Variants in ROS1 observed in about 807,000 individuals in gnomAD.
The protein encoded by ROS1 is proto-oncogene tyrosine-protein kinase ROS.
A neutral mutation model predicts 273.5 loss-of-function variants in ROS1; 263 were observed. That is an observed-to-expected ratio of 0.96 (90% CI 0.87 to 1.06). The LOEUF (loss-of-function observed/expected upper bound fraction) is 1.06, where lower values mean the gene tolerates loss of function less well. Ranked by LOEUF, ROS1 falls within the 50% of genes least tolerant of loss-of-function variation. The pLI is 0.00. For missense variants in ROS1, 2,833 were observed against 2,751.1 expected, an observed-to-expected ratio of 1.03 and a Z score of -0.67; for synonymous variants, 1,008 against 954.1, an observed-to-expected ratio of 1.06 and a Z score of -1.04.
chr6:117,347,696 TA>T (rs57829558), intron 27 of ROS1, among the ~76,000 whole-genome samples: 2,199 of 152,214 alleles, frequency 0.014, 47 homozygotes, highest in African/African-American at 0.05. Flanking sequence ...GTAATGATGT[TA>T]ACAACAAGTT....
chr6:117,413,525 C>T (rs1307703503), intron 4 of ROS1, among the ~76,000 whole-genome samples: 1 of 152,128 alleles, frequency 6.6e-6, no homozygotes, highest in Non-Finnish European at 1.5e-5. Context: ...AACATCAAAA[C>T]GTCAAGGTCT....
At position 117,385,754 on chromosome 6, in the gene ROS1, T is replaced by G. The variant is rs749919362; in HGVS notation, c.2218A>C (p.Ile740Leu). 1.9e-6 allele frequency: 3 copies of G among 1,614,196 alleles called. No individual in the cohort carries two copies. The highest frequency in any genetic ancestry group is 3.3e-5 in the Admixed American group (2 of 60,016). Residue 740 changes from isoleucine (I) to leucine (L), a missense_variant, in exon 16 of 44, where the codon ATT becomes CTT. Ile to Leu is a conservative substitution (Grantham distance 5, BLOSUM62 2). Transcript: ENST00000368507. ...AAAGCTAAAGCCCCTGCTCCTGCAA[T>G]GCTGGGTAGGTGATAATTCTCTGAG... ...DISENYHLPS[I>L]AGAGALAFEW...
Position 117,301,116 on chromosome 6 carries a change from G to GCA in ROS1, c.6571_6572dup (p.Trp2192AlafsTer27). Reference sequence around the variant, plus strand: ...GTCTTTGGTCGGGTTCTTGAGCCCAGCACTGGGTCATTAAATTCCACCTAA... The same window carrying GCA: ...GTCTTTGGTCGGGTTCTTGAGCCCAGCACACTGGGTCATTAAATTCCACCTAA... On this transcript the variant is annotated frameshift_variant, in exon 43 of 44. Coordinates refer to ENST00000368507, the MANE Select transcript of ROS1 (RefSeq NM_001378902.1). LOFTEE classifies it high-confidence loss of function. The GCA allele has an allele frequency of 6.3e-7, 1 of 1,588,534 alleles. No homozygotes were observed. The highest frequency in any genetic ancestry group is 8.5e-7 in the Non-Finnish European group (1 of 1,171,496).
chr6:117,372,409 C>T (rs544403604), intron 18 of ROS1, among the ~76,000 whole-genome samples: 22 of 152,326 alleles, frequency 1.4e-4, no homozygotes, highest in Non-Finnish European at 2.6e-4. Context: ...TTTCAGAATA[C>T]AAAATTAATG....
At chr6:117,316,027 AAAT>A (rs1775893867) in intron 39 of ROS1, among the ~76,000 whole-genome samples, 1 of 152,162 alleles carries the variant, frequency 6.6e-6, no homozygotes, top group Non-Finnish European at 1.5e-5. Context: ...TCAGCTCTAA[AAAT>A]AATAATAATA....
chr6:117,321,283 A>G lies in ROS1; in HGVS notation c.5735T>C (p.Leu1912Pro), dbSNP rs1438069741. The G allele has an allele frequency of 3.7e-6, 6 of 1,613,724 alleles. No individual in the cohort carries two copies. Among genetic ancestry groups the G allele is most frequent in the Non-Finnish European group, 5.1e-6 (6 of 1,179,872 alleles). Residue 1912 changes from leucine to proline, a missense_variant, in exon 36 of 44, where the codon CTG (leucine) becomes CCG (proline). Transcript: ENST00000368507. ...ELRGLAAGVG[L>P]ANACYAIHTL... ...CTGTATTGCATAGCAGGCATTAGCCAGGCCTACTCCGGCTGCCAGACCTCG... is the reference window on the plus strand; with the variant it reads ...CTGTATTGCATAGCAGGCATTAGCCGGGCCTACTCCGGCTGCCAGACCTCG...
rs1777597880 is a variant in ROS1 at position 117,337,954 on chromosome 6, AGCT to A, written c.5062-617_5062-615del. 2.6e-5 allele frequency among the ~76,000 whole-genome samples: 4 copies of A among 152,246 alleles called. No homozygotes were observed. The South Asian group carries it at 8.3e-4, about 32-fold the overall frequency. On this transcript the variant is annotated intron_variant, in intron 31 of 43. Coordinates refer to ENST00000368507, the MANE Select transcript of ROS1 (RefSeq NM_001378902.1). The stretch of plus-strand genomic sequence containing the variant: ...GAAGCTACTAAGTAGCAAGGCTAGA[AGCT>A]AAATACAGAAAATCTTGTTTTCATT...
chr6:117,406,735 G>A (rs1227641028), intron 5 of ROS1, among the ~76,000 whole-genome samples: 1 of 152,118 alleles, frequency 6.6e-6, no homozygotes, highest in African/African-American at 2.4e-5. Context: ...ATAAGTATGT[G>A]TTAATAGTCA....
At chr6:117,386,732 C>G (rs1772610087) in intron 15 of ROS1, among the ~76,000 whole-genome samples, 157 bp downstream of exon 15, 1 of 152,200 alleles carries the variant, frequency 6.6e-6, no homozygotes, top group African/African-American at 2.4e-5. Context: ...CTGACATTTT[C>G]TTAACAGAAT....
chr6:117,343,511 T>G (rs1185850436), intron 28 of ROS1, among the ~76,000 whole-genome samples: 1 of 151,978 alleles, frequency 6.6e-6, no homozygotes, highest in Non-Finnish European at 1.5e-5. Flanking sequence ...CAAGAAATAG[T>G]TAGTGAATGC....
At chr6:117,390,709 A>C (rs1772997741) in intron 12 of ROS1, among the ~76,000 whole-genome samples, 1 of 152,192 alleles carries the variant, frequency 6.6e-6, no homozygotes, top group South Asian at 2.1e-4. Context: ...CAATAGAGCT[A>C]CCATTTTATA....
In ROS1 at chr6:117,404,399, C is replaced by T. The variant is rs752731431; in HGVS notation, c.346G>A (p.Ala116Thr). The T allele has an allele frequency of 6.2e-7, 1 of 1,613,802 alleles. No homozygotes were observed. The highest frequency in any genetic ancestry group is 8.5e-7 in the Non-Finnish European group (1 of 1,179,908). The change falls in exon 6 of 44, where the codon GCT becomes ACT. Residue 116 changes from alanine to threonine, a missense_variant. Physicochemically the swap from Ala to Thr is moderately conservative, Grantham distance 58. Transcript: ENST00000368507. ...ATATTGTGGCTTCCAATGGAAGAAGCAAAGGGAGCAGTTGGTAGGTCTGCA... is the reference window on the plus strand; with the variant it reads ...ATATTGTGGCTTCCAATGGAAGAAGTAAAGGGAGCAGTTGGTAGGTCTGCA... ...ENADLPTAPF[A>T]SSIGSHNMTL...
chr6:117,319,747 T>G (rs1776154659), intron 37 of ROS1, 121 bp downstream of exon 37: 1 of 823,416 alleles, frequency 1.2e-6, no homozygotes, highest in East Asian at 2.5e-5. Flanking sequence ...TGGATAGGCT[T>G]CGACATTCAA....
intron 32 of ROS1, among the ~76,000 whole-genome samples, chr6:117,330,933 TCTC>T (rs1280782448): frequency 1.3e-5 from 2 of 152,128 alleles, no homozygotes; most frequent in African/African-American, 4.8e-5. Flanking sequence ...GAGTGCCTCT[TCTC>T]CTCTAAATGA....
chr6:117,396,611 T>G (rs1275163584), intron 8 of ROS1, among the ~76,000 whole-genome samples: 1 of 152,224 alleles, frequency 6.6e-6, no homozygotes, highest in African/African-American at 2.4e-5. Context: ...CTCTACCTCC[T>G]TACTTTTTTC....
Position 117,359,823 on chromosome 6 carries a change from G to A in ROS1, c.3619C>T (p.Arg1207Cys), listed in dbSNP as rs780046038. 8.1e-6 allele frequency: 13 copies of A among 1,613,232 alleles called. No homozygotes were observed. Among genetic ancestry groups the A allele is most frequent in the African/African-American group, 5.3e-5 (4 of 74,868 alleles). The change falls in exon 24 of 44, where the codon CGC becomes TGC. Residue 1207 changes from arginine (R) to cysteine (C), a missense_variant. Arg to Cys is a radical substitution (Grantham distance 180, BLOSUM62 -3). Coordinates refer to ENST00000368507, the MANE Select transcript of ROS1 (RefSeq NM_001378902.1). ...DSLFLLHLHN[R>C]SSSELFQDSL... is the part of the protein sequence containing the mutation. ...TAGTGAAATACCTCAGAGCTAGAGC[G>A]ATTGTGCAAGTGCAGAAGAAAGAGT...
chr6:117,355,271 G>A (rs747678846), intron 26 of ROS1, among the ~76,000 whole-genome samples: 7 of 152,084 alleles, frequency 4.6e-5, no homozygotes, highest in Non-Finnish European at 4.4e-5. Context: ...TAACTAAGGA[G>A]GAATCATTCA....
intron 18 of ROS1, among the ~76,000 whole-genome samples, chr6:117,371,775 G>A (rs1172892838): frequency 2.6e-5 from 4 of 152,114 alleles, no homozygotes; most frequent in East Asian, 1.9e-4. Context: ...GGAGTTGGGC[G>A]AGGCCGGTCA....
At chr6:117,375,023 A>G (rs1781194526) in intron 18 of ROS1, among the ~76,000 whole-genome samples, 1 of 152,248 alleles carries the variant, frequency 6.6e-6, no homozygotes, top group Non-Finnish European at 1.5e-5. Flanking sequence ...AGCACAATTC[A>G]TGATTGCAAA....
Sources: allele counts gnomAD v4.1 joint callset (sites outside exome capture counted in the v4.1 genomes callset), GRCh38; gene constraint gnomAD v4.1.1; transcripts MANE v1.5; gene names NCBI Gene and HGNC (gene_info 2026-07-23, HGNC 2026-07-21).